SMG6: variants seen among roughly 807,000 people sequenced by gnomAD.
The protein encoded by SMG6 is SMG6 nonsense mediated mRNA decay factor, also known as telomerase-binding protein EST1A.
Under a neutral mutation model 142.2 loss-of-function variants are expected in SMG6, and 66 were observed. The ratio of observed to expected loss-of-function variants is 0.46; its 90% CI spans 0.38 to 0.57. The LOEUF (loss-of-function observed/expected upper bound fraction) is 0.57, where lower values mean the gene tolerates loss of function less well. Among genes scored for constraint, SMG6 ranks in the 20% least tolerant of loss-of-function variants. The pLI, the probability that SMG6 is intolerant of heterozygous loss-of-function variation, is 0.00. For synonymous variants in SMG6, 779 were observed against 702.4 expected, an observed-to-expected ratio of 1.11 and a Z score of -1.72; for missense variants, 1,793 against 1,832.0, an observed-to-expected ratio of 0.98 and a Z score of 0.39.
chr17:2,294,898 TAG>T (rs2075113847), intron 4 of SMG6, among the ~76,000 whole-genome samples: 1 of 150,742 alleles, frequency 6.6e-6, no homozygotes, highest in African/African-American at 2.4e-5. Context: ...TTTTTTGAGA[TAG>T]AGTCTCACTT....
At chr17:2,105,468 G>A (rs1180053216) in intron 13 of SMG6, among the ~76,000 whole-genome samples, 1 of 152,068 alleles carries the variant, frequency 6.6e-6, no homozygotes, top group East Asian at 1.9e-4. Flanking sequence ...GCTTGAACTT[G>A]GGAGGCGGAG....
chr17:2,189,857 A>G (rs1427689356), intron 10 of SMG6, among the ~76,000 whole-genome samples: 2,618 of 152,272 alleles, frequency 0.017, 76 homozygotes, highest in African/African-American at 0.06. Context: ...CCAGGGTAGT[A>G]ATTCTTTGAT....
At chr17:2,287,638 G>C (rs1467896764) in intron 6 of SMG6, among the ~76,000 whole-genome samples, 1 of 152,142 alleles carries the variant, frequency 6.6e-6, no homozygotes, top group African/African-American at 2.4e-5. Context: ...CCAACAGATG[G>C]AAGCAATCCA....
At chr17:2,099,870 C>T (rs891962776) in intron 13 of SMG6, among the ~76,000 whole-genome samples, 1 of 152,054 alleles carries the variant, frequency 6.6e-6, no homozygotes, top group African/African-American at 2.4e-5. Context: ...CCGAACTCCA[C>T]TTTTTTTCTG....
chr17:2,299,786 T>C lies in SMG6; in HGVS notation c.967A>G (p.Arg323Gly). The C allele has an allele frequency of 6.2e-7, 1 of 1,614,250 alleles. No individual in the cohort carries two copies. Residue 323 changes from arginine (R) to glycine (G), a missense_variant, in exon 2 of 19, where the codon AGG (arginine) becomes GGG (glycine). Coordinates refer to ENST00000263073, the MANE Select transcript of SMG6 (RefSeq NM_017575.5). This position sits in a 1 kb window ranked among gnomAD's most constrained non-coding sequence, Gnocchi z 4.3. ...DGLGPRRSSE[R>G]KRHLERNWSG... ...CAGTTTCTTTCTAAATGTCTCTTCC[T>C]TTCTGAACTTCTCCTGGGTCCTAAT... is the stretch of plus-strand genomic sequence containing the variant.
chr17:2,255,604 G>GT (rs2074156247), intron 8 of SMG6: 1 of 158,194 alleles, frequency 6.3e-6, no homozygotes, highest in African/African-American at 2.4e-5. Flanking sequence ...CGTCCGGGAG[G>GT]TGGGGGGCAC....
intron 1 of SMG6, among the ~76,000 whole-genome samples, chr17:2,302,375 T>C (rs1263179871): frequency 2.0e-5 from 3 of 151,858 alleles, no homozygotes; most frequent in Non-Finnish European, 4.4e-5. Context: ...ACCCCGTCAC[T>C]ACAAAAATAC....
chr17:2,163,698 T>C (rs1209831857), intron 13 of SMG6, among the ~76,000 whole-genome samples: 1 of 152,162 alleles, frequency 6.6e-6, no homozygotes, highest in Non-Finnish European at 1.5e-5. Flanking sequence ...TCATTTTTTT[T>C]TTTTTCACGT....
intron 13 of SMG6, chr17:2,127,923 G>T: frequency 1.8e-6 from 1 of 564,336 alleles, no homozygotes; most frequent in South Asian, 1.4e-5. Context: ...CCAGTACCTG[G>T]ACCAATGCAG....
chr17:2,260,966 A>G (rs1013980100), intron 8 of SMG6, among the ~76,000 whole-genome samples: 3 of 150,230 alleles, frequency 2.0e-5, no homozygotes, highest in Non-Finnish European at 3.0e-5. Flanking sequence ...ATTCCACTCC[A>G]GCCTGGGCAA....
chr17:2,158,061 C>T, intron 13 of SMG6, among the ~76,000 whole-genome samples: 1 of 152,038 alleles, frequency 6.6e-6, no homozygotes, highest in Non-Finnish European at 1.5e-5. Flanking sequence ...AAGGGGTGAA[C>T]ATTGAAAAGA....
At chr17:2,087,012 T>C (rs1244801577) in intron 13 of SMG6, 25 of 1,289,064 alleles carry the variant, frequency 1.9e-5, no homozygotes, top group Non-Finnish European at 2.5e-5. Context: ...TCCTCGTTTC[T>C]TAGTGTGAAA....
intron 13 of SMG6, among the ~76,000 whole-genome samples, chr17:2,161,670 C>T (rs1241465201): frequency 1.3e-5 from 2 of 151,226 alleles, no homozygotes; most frequent in African/African-American, 2.4e-5. Flanking sequence ...GATAAGACTA[C>T]ATACATTTAG....
chr17:2,277,157 A>ATTTTT (rs2074670932), intron 8 of SMG6, among the ~76,000 whole-genome samples: 2 of 97,072 alleles, frequency 2.1e-5, no homozygotes, highest in Admixed American at 1.1e-4. Context: ...TTATTTATTT[A>ATTTTT]TTTATTTATT....
chr17:2,145,565 A>T (rs2070640063), intron 13 of SMG6, among the ~76,000 whole-genome samples: 1 of 145,264 alleles, frequency 6.9e-6, no homozygotes, highest in African/African-American at 2.6e-5. Context: ...CTGTAATCCC[A>T]AAACTTTGGG....
rs774700302 is a variant in SMG6 at position 2,065,628 on chromosome 17, G to A, written c.3887C>T (p.Ala1296Val). The stretch of plus-strand genomic sequence containing the variant: ...TTGTACCACACGGGCGTAGCCCCCA[G>A]CCCGGTGGTCTGTCTCCTGCCCCTT... ...LAKGQETDHR[A>V]GGYARVVQEK... is the part of the protein sequence containing the mutation. The change falls in exon 17 of 19, where the codon GCT becomes GTT. Residue 1296 changes from alanine to valine, a missense_variant. This residue lies in a region of SMG6 where 179 missense variants were observed against 212.6 expected (regional missense o/e 0.84). Coordinates refer to ENST00000263073, the MANE Select transcript of SMG6 (RefSeq NM_017575.5). 9.9e-6 allele frequency: 16 copies of A among 1,613,776 alleles called. No individual in the cohort carries two copies. Among genetic ancestry groups the A allele is most frequent in the Non-Finnish European group, 1.3e-5 (15 of 1,180,030 alleles).
In SMG6 at chr17:2,299,385, C is replaced by T. The variant is rs1401037189; in HGVS notation, c.1368G>A (p.Trp456Ter). 6.2e-7 allele frequency: 1 copy of T among 1,613,946 alleles called. No individual in the cohort carries two copies. Among genetic ancestry groups the T allele is most frequent in the Non-Finnish European group, 8.5e-7 (1 of 1,180,020 alleles). Reference protein sequence around the residue: ...WGRGGTTRRLWDPNNPDQKPA... With the variant: ...WGRGGTTRRL ...GTTTCTGATCAGGATTGTTTGGGTC[C>T]CACAATCGGCGTGTGGTGCCTCCAC... The change falls in exon 2 of 19, where the codon TGG becomes TGA. Residue 456 changes from tryptophan (W) to a stop codon, truncating the protein, a stop_gained. Coordinates refer to ENST00000263073, the MANE Select transcript of SMG6 (RefSeq NM_017575.5). LOFTEE classifies it high-confidence loss of function. The surrounding 1 kb of genome is among the most constrained non-coding windows in gnomAD (Gnocchi z 4.3).
chr17:2,108,155 G>C (rs1054568586), intron 13 of SMG6, among the ~76,000 whole-genome samples: 11 of 152,088 alleles, frequency 7.2e-5, no homozygotes, highest in African/African-American at 2.2e-4. Flanking sequence ...AAGGATTACA[G>C]AGAATTTGCA....
intron 10 of SMG6, among the ~76,000 whole-genome samples, chr17:2,197,235 C>A (rs2072357241): frequency 6.6e-6 from 1 of 152,148 alleles, no homozygotes; most frequent in South Asian, 2.1e-4. Context: ...AACCACATAT[C>A]TGCCGAAGAA....
Sources: allele counts gnomAD v4.1 joint callset (sites outside exome capture counted in the v4.1 genomes callset), GRCh38; gene constraint gnomAD v4.1.1; regional missense constraint gnomAD v4.1.1; non-coding constraint Gnocchi (gnomAD v3.1); transcripts MANE v1.5; gene names NCBI Gene and HGNC (gene_info 2026-07-23, HGNC 2026-07-21).